Variants in DOCK3 observed in about 807,000 individuals in gnomAD.
DOCK3 encodes the protein dedicator of cytokinesis protein 3.
DOCK3 carries 60 observed loss-of-function variants against 265.6 expected under a neutral mutation model. That is an observed-to-expected ratio of 0.23 (90% CI 0.18 to 0.28). The LOEUF is 0.28. DOCK3 is among the 10% of genes least tolerant of loss of function. DOCK3 has a pLI of 1.00. For synonymous variants in DOCK3, 881 were observed against 938.0 expected (o/e 0.94, Z 1.11); for missense variants, 1,981 against 2,594.3 (o/e 0.76, Z 5.14).
chr3:51,225,571 A>G (rs1193480091), intron 14 of DOCK3, 78 bp from the exon 15 acceptor site: 2 of 1,515,834 alleles, frequency 1.3e-6, no homozygotes, highest in South Asian at 1.4e-5. Context: ...GAAGATCCAA[A>G]TGCTAGCCTA....
intron 9 of DOCK3, among the ~76,000 whole-genome samples, chr3:51,091,421 C>T (rs1560048570): frequency 2.0e-5 from 3 of 152,058 alleles, no homozygotes; most frequent in Non-Finnish European, 4.4e-5. Context: ...CAATGGCTCA[C>T]GACTGTAATG....
intron 4 of DOCK3, among the ~76,000 whole-genome samples, chr3:50,896,050 T>G (rs1281888600): frequency 2.0e-5 from 3 of 152,196 alleles, no homozygotes; most frequent in Non-Finnish European, 4.4e-5. Flanking sequence ...ATGGGATTGC[T>G]GGGTCAATTT....
At chr3:51,145,192 G>A (rs1560121494) in intron 9 of DOCK3, among the ~76,000 whole-genome samples, 1 of 151,754 alleles carries the variant, frequency 6.6e-6, no homozygotes, top group East Asian at 1.9e-4. Flanking sequence ...ATTTTTATAA[G>A]TTGCTGTAAC....
chr3:50,878,029 A>G (rs1370725050), intron 3 of DOCK3, among the ~76,000 whole-genome samples: 1 of 152,240 alleles, frequency 6.6e-6, no homozygotes, highest in African/African-American at 2.4e-5. Flanking sequence ...GTGGACCTCC[A>G]GCAAACTCCA....
intron 1 of DOCK3, among the ~76,000 whole-genome samples, chr3:50,711,311 G>A (rs2036753226): frequency 6.6e-6 from 1 of 150,704 alleles, no homozygotes; most frequent in East Asian, 1.9e-4. Context: ...GCCCAGACTG[G>A]AGTGCAGTGG....
intron 1 of DOCK3, among the ~76,000 whole-genome samples, chr3:50,765,203 T>C (rs1195341052): frequency 6.8e-6 from 1 of 146,538 alleles, no homozygotes; most frequent in Non-Finnish European, 1.5e-5. Flanking sequence ...TGCCTCAGCC[T>C]CCCGAATAGC....
intron 6 of DOCK3, among the ~76,000 whole-genome samples, chr3:51,069,124 A>G (rs2081741262): frequency 1.3e-5 from 2 of 152,234 alleles, no homozygotes; most frequent in African/African-American, 4.8e-5. Flanking sequence ...TAGATACTCC[A>G]TAAGTAAAAA....
intron 24 of DOCK3, among the ~76,000 whole-genome samples, chr3:51,273,985 A>G (rs1463147411): frequency 1.3e-5 from 2 of 152,230 alleles, no homozygotes; most frequent in Non-Finnish European, 2.9e-5. Flanking sequence ...CCCATTCTAC[A>G]GATGAGGAAA....
intron 17 of DOCK3, 40 bp downstream of exon 17, chr3:51,228,128 G>T (rs370200344): frequency 1.9e-6 from 3 of 1,590,206 alleles, no homozygotes; most frequent in Non-Finnish European, 2.6e-6. Flanking sequence ...CCCCTTACCT[G>T]CCCTGAGGCC....
intron 1 of DOCK3, among the ~76,000 whole-genome samples, chr3:50,728,058 A>G (rs1559558642): frequency 6.6e-6 from 1 of 152,190 alleles, no homozygotes; most frequent in Non-Finnish European, 1.5e-5. Context: ...TGGGCCAAAA[A>G]ACATGTCTTA....
intron 5 of DOCK3, among the ~76,000 whole-genome samples, chr3:51,010,279 T>G (rs1372398893): frequency 6.6e-6 from 1 of 152,240 alleles, no homozygotes; most frequent in African/African-American, 2.4e-5. Flanking sequence ...CTCTAAGGAC[T>G]TGCTTTATGA....
intron 5 of DOCK3, among the ~76,000 whole-genome samples, chr3:51,040,410 C>T (rs1208851687): frequency 6.6e-6 from 1 of 152,056 alleles, no homozygotes; most frequent in African/African-American, 2.4e-5. Flanking sequence ...ACTATACATA[C>T]CTTAATTTTA....
intron 2 of DOCK3, chr3:50,787,099 A>T (rs2042223451): frequency 2.8e-6 from 2 of 719,912 alleles, no homozygotes; most frequent in Non-Finnish European, 2.6e-6. Context: ...TTCTTGAACG[A>T]TTTATTACAG....
chr3:50,787,554 G>T, intron 2 of DOCK3: 1 of 757,968 alleles, frequency 1.3e-6, no homozygotes. Context: ...AACAACCCTG[G>T]GTCACTTCTC....
chr3:50,740,350 C>T (rs1038824911), intron 1 of DOCK3, among the ~76,000 whole-genome samples: 1 of 151,982 alleles, frequency 6.6e-6, no homozygotes, highest in Non-Finnish European at 1.5e-5. Flanking sequence ...ATCTTGGTAT[C>T]GTCATATTTT....
intron 3 of DOCK3, among the ~76,000 whole-genome samples, chr3:50,852,421 T>A (rs1425513767): frequency 2.6e-5 from 4 of 152,226 alleles, no homozygotes; most frequent in Non-Finnish European, 4.4e-5. Context: ...TTCAAGGAAG[T>A]CCAATTTGTC....
chr3:51,200,596 C>A (rs1312688757), intron 12 of DOCK3, among the ~76,000 whole-genome samples: 1 of 152,044 alleles, frequency 6.6e-6, no homozygotes, highest in Admixed American at 6.5e-5. Flanking sequence ...GGAAAACACT[C>A]TGCAGAATAT....
chr3:50,842,382 A>G (rs2107272175), intron 3 of DOCK3, among the ~76,000 whole-genome samples: 1 of 152,346 alleles, frequency 6.6e-6, no homozygotes, highest in Admixed American at 6.5e-5. Context: ...TACCAAAATT[A>G]TCACTTTTTT....
chr3:51,028,455 G>C (rs2079909261), intron 5 of DOCK3, among the ~76,000 whole-genome samples: 1 of 151,868 alleles, frequency 6.6e-6, no homozygotes. Context: ...TCTTGTAGCT[G>C]CATGTCAACC....
Sources: allele counts gnomAD v4.1 joint callset (sites outside exome capture counted in the v4.1 genomes callset), GRCh38; gene constraint gnomAD v4.1.1; transcripts MANE v1.5; gene names NCBI Gene and HGNC (gene_info 2026-07-23, HGNC 2026-07-21).